RPS6KC1: variants seen among roughly 807,000 people sequenced by gnomAD.
RPS6KC1 encodes ribosomal protein S6 kinase C1, also known as inactive ribosomal protein S6 kinase delta-1.
A neutral mutation model predicts 103.8 loss-of-function variants in RPS6KC1; 54 were observed. The ratio of observed to expected loss-of-function variants is 0.52; its 90% CI spans 0.42 to 0.65. The LOEUF is 0.65. Among genes scored for constraint, RPS6KC1 ranks in the 30% least tolerant of loss-of-function variants. RPS6KC1 has a pLI of 0.00. For missense variants in RPS6KC1, 1,151 were observed against 1,253.8 expected (o/e 0.92, Z 1.24); for synonymous variants, 439 against 438.7 (o/e 1.00, Z -0.01).
At chr1:213,179,458 A>T (rs1401478079) in intron 8 of RPS6KC1, among the ~76,000 whole-genome samples, 1 of 152,086 alleles carries the variant, frequency 6.6e-6, no homozygotes, top group Non-Finnish European at 1.5e-5. Context: ...ATTTTTTGAA[A>T]GTTGAACTGT....
chr1:213,435,887 C>T, the RPS6KC1 span, among the ~76,000 whole-genome samples: 1 of 152,060 alleles, frequency 6.6e-6, no homozygotes, highest in Non-Finnish European at 1.5e-5. Flanking sequence ...ACCCTAGCAG[C>T]CTTGATTTCC....
At chr1:213,591,106 G>A in the RPS6KC1 span, among the ~76,000 whole-genome samples, 3 of 152,142 alleles carry the variant, frequency 2.0e-5, no homozygotes, top group Non-Finnish European at 2.9e-5. Context: ...CTGGGCCACC[G>A]GGCACGATGC....
At chr1:213,097,620 A>G (rs532380075) in intron 3 of RPS6KC1, among the ~76,000 whole-genome samples, 2 of 152,372 alleles carry the variant, frequency 1.3e-5, no homozygotes, top group Admixed American at 6.5e-5. Flanking sequence ...GAAACCAAGC[A>G]TGACTTCTCC....
At chr1:213,655,689 A>T in the RPS6KC1 span, among the ~76,000 whole-genome samples, 1 of 152,232 alleles carries the variant, frequency 6.6e-6, no homozygotes, top group Non-Finnish European at 1.5e-5. Context: ...TTTCTGGTGG[A>T]GAACCCTCAC....
the RPS6KC1 span, among the ~76,000 whole-genome samples, chr1:213,726,081 C>T: frequency 6.6e-6 from 1 of 152,030 alleles, no homozygotes; most frequent in Non-Finnish European, 1.5e-5. Flanking sequence ...CATAATTGTT[C>T]TTTCTTATTT....
At chr1:213,062,885 A>G (rs1469156192) in intron 1 of RPS6KC1, among the ~76,000 whole-genome samples, 2 of 152,168 alleles carry the variant, frequency 1.3e-5, no homozygotes, top group East Asian at 3.8e-4. Flanking sequence ...TTTTAAGGAA[A>G]CATGGTAATA....
At chr1:213,103,019 C>T (rs2082146629) in intron 3 of RPS6KC1, among the ~76,000 whole-genome samples, 1 of 151,986 alleles carries the variant, frequency 6.6e-6, no homozygotes, top group Non-Finnish European at 1.5e-5. Flanking sequence ...TTAGCCTGGG[C>T]AGCGTAGTGC....
intron 4 of RPS6KC1, among the ~76,000 whole-genome samples, chr1:213,114,091 G>A (rs1215106384): frequency 6.6e-6 from 1 of 152,004 alleles, no homozygotes; most frequent in Middle Eastern, 3.4e-3. Context: ...TTCCAATTCT[G>A]TGAAGAAAGT....
At chr1:213,746,840 G>A in the RPS6KC1 span, among the ~76,000 whole-genome samples, 1 of 152,246 alleles carries the variant, frequency 6.6e-6, no homozygotes, top group African/African-American at 2.4e-5. Context: ...GCAATTGAAA[G>A]AGCTGAGATT....
intron 6 of RPS6KC1, among the ~76,000 whole-genome samples, chr1:213,146,301 A>G (rs2147827358): frequency 6.6e-6 from 1 of 152,016 alleles, no homozygotes; most frequent in South Asian, 2.1e-4. Flanking sequence ...GTTAATGGAC[A>G]CTTAGGTTGC....
chr1:213,759,686 C>T, the RPS6KC1 span, among the ~76,000 whole-genome samples: 1 of 152,258 alleles, frequency 6.6e-6, no homozygotes, highest in South Asian at 2.1e-4. Context: ...CTTCTTCCCA[C>T]AGACCTGTCA....
At chr1:213,622,942 T>C in the RPS6KC1 span, among the ~76,000 whole-genome samples, 1 of 152,196 alleles carries the variant, frequency 6.6e-6, no homozygotes, top group South Asian at 2.1e-4. Flanking sequence ...ATCATTTCAG[T>C]CGCGCGAGGC....
At chr1:213,052,789 G>T (rs2077056920) in intron 1 of RPS6KC1, among the ~76,000 whole-genome samples, 1 of 152,110 alleles carries the variant, frequency 6.6e-6, no homozygotes, top group Non-Finnish European at 1.5e-5. Context: ...TGATCCGCCT[G>T]CCTCGGCCTC....
Position 213,117,424 on chromosome 1 carries a change from AT to A in RPS6KC1, c.472+21del, listed in dbSNP as rs1485346949. ...GTAGTACGGAAGGTAAGAGATTTTA[AT>A]TTTTTTGCATTTCAAAGGTTTGGAT... On this transcript the variant is annotated intron_variant, in intron 5 of 14. Coordinates refer to ENST00000366960, the MANE Select transcript of RPS6KC1 (RefSeq NM_012424.6). The A allele has an allele frequency of 3.3e-6, 5 of 1,494,290 alleles. No individual in the cohort carries two copies. Among genetic ancestry groups the A allele is most frequent in the South Asian group, 1.2e-5 (1 of 86,012 alleles). 92.6% of individuals were successfully genotyped at this position (1,494,290 alleles called of 1,614,324 possible). A position where few individuals can be genotyped will look rare whatever the true frequency, so the allele number is the denominator to read the frequency against.
chr1:213,152,425 C>G (rs1276221459), intron 6 of RPS6KC1, among the ~76,000 whole-genome samples: 8 of 149,644 alleles, frequency 5.3e-5, no homozygotes, highest in Non-Finnish European at 1.1e-4. Context: ...CGGGCGGAGA[C>G]GCTCCTCACT....
intron 1 of RPS6KC1, among the ~76,000 whole-genome samples, chr1:213,057,674 C>CT (rs201549325): frequency 1.3e-3 from 174 of 130,350 alleles, no homozygotes; most frequent in African/African-American, 3.5e-3. Context: ...TTCTGGGTAT[C>CT]TTTTTTTTGG....
At chr1:213,465,248 C>T in the RPS6KC1 span, among the ~76,000 whole-genome samples, 10 of 152,158 alleles carry the variant, frequency 6.6e-5, no homozygotes, top group Non-Finnish European at 1.0e-4. Context: ...ACCTCCTGTT[C>T]ACAGATATCT....
chr1:213,859,897 T>C, the RPS6KC1 span, among the ~76,000 whole-genome samples: 2 of 152,102 alleles, frequency 1.3e-5, no homozygotes, highest in Non-Finnish European at 2.9e-5. Flanking sequence ...TTGAATCTGT[T>C]CAAATACTTT....
chr1:213,684,938 C>T, the RPS6KC1 span, among the ~76,000 whole-genome samples: 1 of 152,206 alleles, frequency 6.6e-6, no homozygotes, highest in African/African-American at 2.4e-5. Context: ...TTCTGCATTG[C>T]CTGAAGCCAG....
Sources: allele counts gnomAD v4.1 joint callset (sites outside exome capture counted in the v4.1 genomes callset), GRCh38; gene constraint gnomAD v4.1.1; transcripts MANE v1.5; gene names NCBI Gene and HGNC (gene_info 2026-07-23, HGNC 2026-07-21).